ABL1: variants seen among roughly 807,000 people sequenced by gnomAD.
ABL1 encodes the protein tyrosine-protein kinase ABL1.
Under a neutral mutation model 94.7 loss-of-function variants are expected in ABL1, and 11 were observed. The ratio of observed to expected loss-of-function variants is 0.12; its 90% CI spans 0.07 to 0.19. The LOEUF (loss-of-function observed/expected upper bound fraction) is 0.19. Ranked by LOEUF, ABL1 falls within the 10% of genes least tolerant of loss-of-function variation. The probability of loss-of-function intolerance (pLI) is 1.00; values close to 1 mark genes in which losing one functional copy is unlikely to be tolerated. For synonymous variants in ABL1, 656 were observed against 622.4 expected (o/e 1.05, Z -0.80); for missense variants, 1,082 against 1,489.4 (o/e 0.73, Z 4.50).
intron 10 of ABL1, among the ~76,000 whole-genome samples, chr9:130,883,080 C>A (rs1156511489): frequency 6.6e-6 from 1 of 152,198 alleles, no homozygotes; most frequent in Non-Finnish European, 1.5e-5. Flanking sequence ...GCCACCATCC[C>A]TGAGGCCAGG....
chr9:130,869,756 G>A, intron 4 of ABL1, among the ~76,000 whole-genome samples: 1 of 152,190 alleles, frequency 6.6e-6, no homozygotes, highest in Non-Finnish European at 1.5e-5. Context: ...GTAAAGGAAT[G>A]TCACAGAATT....
At chr9:130,765,215 G>A (rs972141386) in intron 1 of ABL1, among the ~76,000 whole-genome samples, 25 of 152,230 alleles carry the variant, frequency 1.6e-4, no homozygotes, top group South Asian at 6.2e-4. Context: ...ATTTTTGGGC[G>A]AGGAGGTCCA....
intron 1 of ABL1, among the ~76,000 whole-genome samples, chr9:130,754,234 C>T (rs1377514930): frequency 1.3e-4 from 19 of 147,000 alleles, no homozygotes; most frequent in Admixed American, 8.9e-4. Flanking sequence ...AGAGACCAGG[C>T]GTGGTGGCTC....
At chr9:130,824,472 TCA>T (rs1290940857) in intron 1 of ABL1, among the ~76,000 whole-genome samples, 7 of 152,178 alleles carry the variant, frequency 4.6e-5, no homozygotes, top group African/African-American at 1.7e-4. Flanking sequence ...AGAAACACCC[TCA>T]CAGACACACC....
At position 130,885,240 on chromosome 9, in the gene ABL1, A is replaced by C; in HGVS notation, c.2950A>C (p.Thr984Pro). 1.2e-6 allele frequency: 2 copies of C among 1,613,712 alleles called. No individual in the cohort carries two copies. The highest frequency in any genetic ancestry group is 1.7e-6 in the Non-Finnish European group (2 of 1,179,902). The change falls in exon 11 of 11, where the codon ACG becomes CCG. Residue 984 changes from threonine (T) to proline (P), a missense_variant. Thr to Pro is a conservative substitution (Grantham distance 38). This residue lies in a region of ABL1 where 780 missense variants were observed against 835.8 expected (regional missense o/e 0.93). Coordinates refer to ENST00000318560, the MANE Select transcript of ABL1 (RefSeq NM_005157.6). Reference protein sequence around the residue: ...TPISPAPVPSTLPSASSALAG... With the variant: ...TPISPAPVPSPLPSASSALAG... ...CATCAGCCCAGCCCCCGTTCCCTCCACGTTGCCATCAGCATCCTCGGCCCT... is the reference window on the plus strand; with the variant it reads ...CATCAGCCCAGCCCCCGTTCCCTCCCCGTTGCCATCAGCATCCTCGGCCCT...
At chr9:130,882,577 C>T (rs1831477415) in intron 10 of ABL1, among the ~76,000 whole-genome samples, 1 of 152,004 alleles carries the variant, frequency 6.6e-6, no homozygotes, top group South Asian at 2.1e-4. Context: ...ACTCTGTTGC[C>T]AGGCTGGAGT....
intron 1 of ABL1, among the ~76,000 whole-genome samples, chr9:130,784,029 A>G (rs1449126055): frequency 6.6e-6 from 1 of 152,170 alleles, no homozygotes; most frequent in Non-Finnish European, 1.5e-5. Flanking sequence ...CGCTTGATAA[A>G]CAGTAAGTCC....
intron 1 of ABL1, among the ~76,000 whole-genome samples, chr9:130,763,323 G>GTT (rs59238943): frequency 0.023 from 3,279 of 144,876 alleles, 119 homozygotes; most frequent in African/African-American, 0.076. Context: ...CATTTTTGTG[G>GTT]TTTTTTTTCA....
chr9:130,802,267 G>T (rs1298640319), intron 1 of ABL1, among the ~76,000 whole-genome samples: 2 of 151,460 alleles, frequency 1.3e-5, no homozygotes, highest in East Asian at 1.9e-4. Context: ...CTAATTTTTT[G>T]ATTTTTACTA....
intron 1 of ABL1, among the ~76,000 whole-genome samples, chr9:130,825,762 C>T (rs1054562535): frequency 2.0e-5 from 3 of 152,168 alleles, no homozygotes; most frequent in Non-Finnish European, 4.4e-5. Flanking sequence ...TTAATTCAAG[C>T]ACTTAGAGTT....
chr9:130,801,696 GT>G (rs1461629544), intron 1 of ABL1, among the ~76,000 whole-genome samples: 1 of 152,152 alleles, frequency 6.6e-6, no homozygotes, highest in Non-Finnish European at 1.5e-5. Flanking sequence ...GTTGGCTTTT[GT>G]TTTGTTTTTG....
intron 1 of ABL1, among the ~76,000 whole-genome samples, chr9:130,782,005 A>C (rs1480245947): frequency 6.6e-6 from 1 of 152,204 alleles, no homozygotes; most frequent in Non-Finnish European, 1.5e-5. Flanking sequence ...CAGCTGAAGA[A>C]GGTCTGGATT....
At chr9:130,867,676 C>T (rs959952298) in intron 4 of ABL1, among the ~76,000 whole-genome samples, 3 of 152,182 alleles carry the variant, frequency 2.0e-5, no homozygotes, top group Admixed American at 6.5e-5. Context: ...AGAAAGAAGC[C>T]GAGAAGAAGG....
intron 1 of ABL1, among the ~76,000 whole-genome samples, chr9:130,810,421 G>A (rs757113026): frequency 6.6e-6 from 1 of 152,064 alleles, no homozygotes; most frequent in Non-Finnish European, 1.5e-5. Context: ...ACTTGAACCT[G>A]GGAGGCAGAG....
intron 1 of ABL1, among the ~76,000 whole-genome samples, chr9:130,727,233 G>GTTT: frequency 1.5e-5 from 2 of 137,710 alleles, no homozygotes; most frequent in Admixed American, 7.3e-5. Flanking sequence ...GCTTTGCTGA[G>GTTT]GTTTTTTTTT....
chr9:130,810,131 C>T (rs1266017732), intron 1 of ABL1, among the ~76,000 whole-genome samples: 1 of 152,104 alleles, frequency 6.6e-6, no homozygotes, highest in African/African-American at 2.4e-5. Flanking sequence ...ACATTACAGA[C>T]ATTAGTCATT....
chr9:130,794,180 G>A (rs1473362191), intron 1 of ABL1, among the ~76,000 whole-genome samples: 3 of 152,158 alleles, frequency 2.0e-5, no homozygotes, highest in Admixed American at 6.5e-5. Flanking sequence ...TTCCACAAAA[G>A]CAGTTCCTGG....
exon 1 of ABL1, chr9:130,714,235 C>G (rs541778425): frequency 1.5e-6 from 2 of 1,325,536 alleles, no homozygotes; most frequent in East Asian, 2.5e-5. Flanking sequence ...TGAAATCCCA[C>G]GTATATGCCA....
At chr9:130,860,029 G>A (rs1831046358) in intron 3 of ABL1, among the ~76,000 whole-genome samples, 1 of 152,136 alleles carries the variant, frequency 6.6e-6, no homozygotes, top group Non-Finnish European at 1.5e-5. Context: ...TCAGGTTCAT[G>A]CATGATTAGG....
Sources: gnomAD v4.1 joint callset for allele counts (sites outside exome capture counted in the v4.1 genomes callset) on GRCh38, gnomAD v4.1.1 for gene constraint, gnomAD v4.1.1 regional missense constraint, MANE v1.5 for transcripts, NCBI Gene and HGNC (gene_info 2026-07-23, HGNC 2026-07-21) for gene names.